CATSPER4: variants seen among roughly 807,000 people sequenced by gnomAD.
The protein encoded by CATSPER4 is cation channel sperm associated 4.
A neutral mutation model predicts 54.4 loss-of-function variants in CATSPER4; 46 were observed. The ratio of observed to expected loss-of-function variants is 0.84; its 90% CI spans 0.67 to 1.08. The LOEUF (loss-of-function observed/expected upper bound fraction) is 1.08. Ranked by LOEUF, CATSPER4 falls within the 50% of genes least tolerant of loss-of-function variation. The pLI is 0.00. For missense variants in CATSPER4, 574 were observed against 612.8 expected, an observed-to-expected ratio of 0.94 and a Z score of 0.67; for synonymous variants, 230 against 231.9, an observed-to-expected ratio of 0.99 and a Z score of 0.08.
intron 9 of CATSPER4, 107 bp from the exon 10 acceptor site, chr1:26,202,382 T>C (rs1469926817): frequency 1.2e-5 from 12 of 992,966 alleles, no homozygotes; most frequent in East Asian, 5.1e-5. Context: ...GAAGCACTTC[T>C]CTGGGAGGCC....
intron 8 of CATSPER4, 49 bp downstream of exon 8, chr1:26,201,090 G>A (rs368692279): frequency 1.5e-5 from 22 of 1,475,856 alleles, no homozygotes; most frequent in Middle Eastern, 3.4e-4. Flanking sequence ...GTCAAGGCTG[G>A]GCGGAGCGTC....
intron 6 of CATSPER4, among the ~76,000 whole-genome samples, chr1:26,198,759 A>G (rs987372557): frequency 6.6e-6 from 1 of 152,166 alleles, no homozygotes; most frequent in Non-Finnish European, 1.5e-5. Context: ...CTTGGAGCCC[A>G]CCAAACTGCC....
chr1:26,202,676 G>A lies in CATSPER4; in HGVS notation c.*134G>A, dbSNP rs1157456790. 2.4e-6 allele frequency: 2 copies of A among 841,250 alleles called. No individual in the cohort carries two copies. Among genetic ancestry groups the A allele is most frequent in the Non-Finnish European group, 3.9e-6 (2 of 507,508 alleles). The allele number at this position is 841,250 out of a possible 1,614,324, so 52.1% of individuals were successfully genotyped here. A position where few individuals can be genotyped will look rare whatever the true frequency, so the allele number is the denominator to read the frequency against. ...TATACCTGGGCAGAGGCCAGGGGCT[G>A]TGAAGGTGGCAGCACCTGCAGGTCT... On this transcript the variant is annotated 3_prime_UTR_variant, in exon 10 of 10. Coordinates refer to ENST00000456354, the MANE Select transcript of CATSPER4 (RefSeq NM_198137.2).
chr1:26,193,079 G>A (rs1307592826), intron 2 of CATSPER4, among the ~76,000 whole-genome samples: 1 of 151,750 alleles, frequency 6.6e-6, no homozygotes, highest in African/African-American at 2.4e-5. Context: ...AAAAAAGAAA[G>A]AAAGGGAGGA....
chr1:26,200,062 C>A lies in CATSPER4; in HGVS notation c.987+4C>A, dbSNP rs373995246. Reference sequence around the variant, plus strand: ...GCAACGAATAACCTTTAGTGAGGTGCGTGGGATGGGGAGGGCAGAAGGGAG... The same window carrying A: ...GCAACGAATAACCTTTAGTGAGGTGAGTGGGATGGGGAGGGCAGAAGGGAG... On this transcript the variant is annotated splice_donor_region_variant and intron_variant, in intron 7 of 9. Transcript: ENST00000456354. 1.2e-6 allele frequency: 2 copies of A among 1,612,172 alleles called. No individual in the cohort carries two copies. The highest frequency in any genetic ancestry group is 1.7e-6 in the Non-Finnish European group (2 of 1,179,056).
In CATSPER4 at chr1:26,193,836, T is replaced by G; in HGVS notation, c.407T>G (p.Leu136Arg). 6.2e-7 allele frequency: 1 copy of G among 1,614,186 alleles called. No individual in the cohort carries two copies. Among genetic ancestry groups the G allele is most frequent in the African/African-American group, 1.3e-5 (1 of 75,060 alleles). ...ATAGATGACATTGTGCTGACCATCCTTCTTTGTGAGGTTCTCCTTGGCTGG... is the reference window on the plus strand; with the variant it reads ...ATAGATGACATTGTGCTGACCATCCGTCTTTGTGAGGTTCTCCTTGGCTGG... ...STIDDIVLTI[L>R]LCEVLLGWLN... The change falls in exon 3 of 10, where the codon CTT becomes CGT. Residue 136 changes from leucine to arginine, a missense_variant. Coordinates refer to ENST00000456354, the MANE Select transcript of CATSPER4 (RefSeq NM_198137.2).
rs1038230794 is a variant in CATSPER4, at chr1:26,202,656, C to T, written c.*114C>T. ...CCAGAGCCCATCCTCTCCCTTATAC[C>T]TGGGCAGAGGCCAGGGGCTGTGAAG... On this transcript the variant is annotated 3_prime_UTR_variant, in exon 10 of 10. Transcript: ENST00000456354. The T allele has an allele frequency of 4.0e-6, 4 of 1,009,848 alleles. No individual in the cohort carries two copies. The highest frequency in any genetic ancestry group is 6.1e-6 in the Non-Finnish European group (4 of 654,562). The allele number at this position is 1,009,848 out of a possible 1,614,324, so 62.6% of individuals were successfully genotyped here. A position where few individuals can be genotyped will look rare whatever the true frequency, so the allele number is the denominator to read the frequency against.
chr1:26,202,126 T>A (rs568705712), intron 9 of CATSPER4, among the ~76,000 whole-genome samples: 1 of 152,304 alleles, frequency 6.6e-6, no homozygotes, highest in East Asian at 1.9e-4. Flanking sequence ...TCTTAGTGTG[T>A]GTGGCATGAG....
intron 2 of CATSPER4, among the ~76,000 whole-genome samples, chr1:26,193,238 C>T (rs1186656722): frequency 1.3e-5 from 2 of 152,060 alleles, no homozygotes; most frequent in Admixed American, 1.3e-4. Flanking sequence ...TCTACCAATT[C>T]ATCCATCCAG....
At chr1:26,196,723 T>G (rs1256862559) in intron 3 of CATSPER4, among the ~76,000 whole-genome samples, 1 of 152,078 alleles carries the variant, frequency 6.6e-6, no homozygotes, top group Non-Finnish European at 1.5e-5. Flanking sequence ...TTGGTTATTC[T>G]TAACCTTATA....
intron 2 of CATSPER4, 52 bp downstream of exon 2, chr1:26,191,482 G>A (rs531829467): frequency 1.9e-6 from 3 of 1,601,108 alleles, no homozygotes; most frequent in South Asian, 1.1e-5. Context: ...GGGGCCTGGG[G>A]CAAGAACTCT....
At chr1:26,196,402 CTTTTTTTTTTT>C (rs58507291) in intron 3 of CATSPER4, among the ~76,000 whole-genome samples, 3 of 82,456 alleles carry the variant, frequency 3.6e-5, no homozygotes, top group African/African-American at 9.5e-5. Flanking sequence ...TTTTCTTTTC[CTTTTTTTTTTT>C]TTTTTTTTTT....
intron 7 of CATSPER4, 36 bp from the exon 8 acceptor site, chr1:26,200,794 A>T: frequency 6.4e-7 from 1 of 1,557,016 alleles, no homozygotes; most frequent in Non-Finnish European, 8.9e-7. Flanking sequence ...TGCCTGCCTG[A>T]GCTGTCCCGA....
In CATSPER4 at chr1:26,190,886, T is replaced by A. The variant is rs144209714; in HGVS notation, c.213+46T>A. The stretch of plus-strand genomic sequence containing the variant: ...ACAGTGGCCCCTTCTGCAGCTGTGC[T>A]CATGGGCAGCAGGCCCTCATGGTAA... On this transcript the variant is annotated intron_variant, in intron 1 of 9. Transcript: ENST00000456354. The A allele has an allele frequency of 1.2e-5, 18 of 1,536,034 alleles. No individual in the cohort carries two copies. The African/African-American group carries it at 2.3e-4, about 20-fold the overall frequency.
chr1:26,201,225 C>A (rs548393206), intron 8 of CATSPER4, 129 bp from the exon 9 acceptor site: 187 of 1,081,312 alleles, frequency 1.7e-4, no homozygotes, highest in Non-Finnish European at 2.5e-4. Flanking sequence ...CACACAAGGG[C>A]ACAGCTCGGC....
In CATSPER4 at chr1:26,201,049, A is replaced by T; in HGVS notation, c.1199+8A>T. 1 of 1,606,924 alleles carries T rather than the reference A, an allele frequency of 6.2e-7. No individual in the cohort carries two copies. Among genetic ancestry groups the T allele is most frequent in the Non-Finnish European group, 8.5e-7 (1 of 1,173,480 alleles). ...CCGAGATGAACTCAACATGTAGGGGAGGGTACTGGGGCTGCCCCCAAGTCA... is the reference window on the plus strand; with the variant it reads ...CCGAGATGAACTCAACATGTAGGGGTGGGTACTGGGGCTGCCCCCAAGTCA... On this transcript the variant is annotated splice_region_variant and intron_variant, in intron 8 of 9. Transcript: ENST00000456354.
chr1:26,198,524 C>G, intron 6 of CATSPER4, 105 bp downstream of exon 6: 3 of 1,457,774 alleles, frequency 2.1e-6, no homozygotes, highest in Non-Finnish European at 1.9e-6. Context: ...TGAGGATGGC[C>G]CAGTAGAAGT....
At position 26,191,377 on chromosome 1, in the gene CATSPER4, CTGG is replaced by C; in HGVS notation, c.307_309del (p.Val103del). On this transcript the variant is annotated inframe_deletion, in exon 2 of 10. Transcript: ENST00000456354. ...CTTCCAACTGCTGCTGGCCCTGCTG[CTGG>C]TGATCAATGCCATCACCATCGCTCT... is the stretch of plus-strand genomic sequence containing the variant. The C allele has an allele frequency of 6.2e-7, 1 of 1,614,236 alleles. No homozygotes were observed. Among genetic ancestry groups the C allele is most frequent in the Non-Finnish European group, 8.5e-7 (1 of 1,180,026 alleles).
chr1:26,191,363 T>C lies in CATSPER4; in HGVS notation c.290T>C (p.Leu97Pro). ...QLLRHPAFQLLLALLLVINAI... is the reference protein window; with the variant it reads ...QLLRHPAFQLPLALLLVINAI... Reference sequence around the variant, plus strand: ...CTCCGACACCCCGCCTTCCAACTGCTGCTGGCCCTGCTGCTGGTGATCAAT... The same window carrying C: ...CTCCGACACCCCGCCTTCCAACTGCCGCTGGCCCTGCTGCTGGTGATCAAT... Residue 97 changes from leucine (L) to proline (P), a missense_variant, in exon 2 of 10, where the codon CTG (leucine) becomes CCG (proline). Leu to Pro is a moderately conservative substitution (Grantham distance 98). Coordinates refer to ENST00000456354, the MANE Select transcript of CATSPER4 (RefSeq NM_198137.2). The C allele has an allele frequency of 6.2e-7, 1 of 1,614,208 alleles. No individual in the cohort carries two copies. The highest frequency in any genetic ancestry group is 1.1e-5 in the South Asian group (1 of 91,090).
Sources: allele counts gnomAD v4.1 joint callset (sites outside exome capture counted in the v4.1 genomes callset), GRCh38; gene constraint gnomAD v4.1.1; transcripts MANE v1.5; gene names NCBI Gene and HGNC (gene_info 2026-07-23, HGNC 2026-07-21).